Variants in LONRF3 observed in about 807,000 individuals in gnomAD.
The protein encoded by LONRF3 is LON peptidase N-terminal domain and RING finger protein 3.
Under a neutral mutation model 51.7 loss-of-function variants are expected in LONRF3, and 19 were observed. The ratio of observed to expected loss-of-function variants is 0.37; its 90% CI spans 0.26 to 0.54. The LOEUF is 0.54. Ranked by LOEUF, LONRF3 falls within the 20% of genes least tolerant of loss-of-function variation. The pLI, the probability that LONRF3 is intolerant of heterozygous loss-of-function variation, is 0.86. For synonymous variants in LONRF3, 265 were observed against 257.8 expected (o/e 1.03, Z -0.27); for missense variants, 521 against 623.9 (o/e 0.84, Z 1.76).
At chrX:119,011,041 G>A (rs1925069631) in intron 7 of LONRF3, among the ~76,000 whole-genome samples, 1 of 108,426 alleles carries the variant, frequency 9.2e-6, no homozygotes, top group African/African-American at 3.4e-5. Flanking sequence ...TTGAACCCGG[G>A]AGGCGGAGGT....
At chrX:118,990,692 C>T (rs973819450) in intron 5 of LONRF3, 132 bp downstream of exon 5, 5 of 490,347 alleles carry the variant, frequency 1.0e-5, no homozygotes, top group Non-Finnish European at 1.4e-5. Context: ...GAAATCACAA[C>T]GTTGATTGTC....
rs754025842 is a variant in LONRF3, at chrX:119,014,245, T to C, written c.2013T>C (p.His671=). The C allele has an allele frequency of 1.4e-4, 172 of 1,207,692 alleles. No individual in the cohort carries two copies. The highest frequency in any genetic ancestry group is 1.9e-4 in the Non-Finnish European group (170 of 893,273). ...GEDCAELMGL[H]NCVYQQASLW... is the part of the protein sequence containing the mutation. ...ATTGTGCTGAGCTCATGGGATTACA[T>C]AACTGTGTCTATCAGCAAGCATCAT... The change falls in exon 10 of 11, where the codon CAT becomes CAC. Residue 671 remains histidine (H), a synonymous_variant. Transcript: ENST00000371628.
At chrX:119,015,981 A>G (rs908730728) in intron 10 of LONRF3, among the ~76,000 whole-genome samples, 1 of 112,307 alleles carries the variant, frequency 8.9e-6, no homozygotes, top group Non-Finnish European at 1.9e-5. Flanking sequence ...TCAGTCTAAT[A>G]TTCAGAACTG....
At chrX:118,989,733 A>G (rs963590201) in intron 4 of LONRF3, 61 bp downstream of exon 4, 10 of 1,111,306 alleles carry the variant, frequency 9.0e-6, no homozygotes, top group Admixed American at 5.3e-5. Context: ...ACCAATATAT[A>G]CAAGTTACTT....
At chrX:118,998,021 G>A (rs1206866384) in intron 5 of LONRF3, among the ~76,000 whole-genome samples, 1 of 112,395 alleles carries the variant, frequency 8.9e-6, no homozygotes, top group East Asian at 2.8e-4. Flanking sequence ...TACACTGCTG[G>A]TGGGAATGTA....
In LONRF3 at chrX:118,982,889, C is replaced by A; in HGVS notation, c.1005C>A (p.Leu335=). The change falls in exon 3 of 11, where the codon CTC becomes CTA. Residue 335 remains leucine, a synonymous_variant. Transcript: ENST00000371628. ...GKVEEALREF[L]YCVSLDGKNK... ...TGGAGGAGGCACTAAGGGAGTTTCT[C>A]TACTGTGTATCCCTTGATGGAAAGA... is the stretch of plus-strand genomic sequence containing the variant. 8.3e-7 allele frequency: 1 copy of A among 1,210,824 alleles called. No homozygotes were observed. The highest frequency in any genetic ancestry group is 1.8e-5 in the South Asian group (1 of 56,938).
chrX:118,999,596 A>G (rs191617773), intron 5 of LONRF3, among the ~76,000 whole-genome samples: 4 of 112,092 alleles, frequency 3.6e-5, no homozygotes, highest in Non-Finnish European at 7.5e-5. Flanking sequence ...TCTGAAAACT[A>G]AGAATCCTGA....
At chrX:119,001,981 A>G (rs905718809) in intron 5 of LONRF3, among the ~76,000 whole-genome samples, 1 of 112,629 alleles carries the variant, frequency 8.9e-6, no homozygotes, top group African/African-American at 3.2e-5. Context: ...AATATAAGGC[A>G]TTCAGATTCA....
At chrX:118,985,973 G>A (rs1253597866) in intron 3 of LONRF3, among the ~76,000 whole-genome samples, 1 of 110,187 alleles carries the variant, frequency 9.1e-6, no homozygotes, top group East Asian at 2.8e-4. Context: ...TGCAGGAGCT[G>A]CTGGGTGGTA....
chrX:118,991,854 A>G (rs1923450587), intron 5 of LONRF3, among the ~76,000 whole-genome samples: 1 of 84,777 alleles, frequency 1.2e-5, no homozygotes, highest in South Asian at 5.8e-4. Context: ...ATACTCAGTA[A>G]ATGTTAACTA....
At chrX:118,986,918 G>T (rs1178793316) in intron 3 of LONRF3, 6 of 1,150,412 alleles carry the variant, frequency 5.2e-6, no homozygotes, top group Non-Finnish European at 5.7e-6. Context: ...TCTGTTTTAT[G>T]TCACAGCTTC....
chrX:118,983,135 C>T (rs971230631), intron 3 of LONRF3, among the ~76,000 whole-genome samples, 192 bp downstream of exon 3: 2 of 111,347 alleles, frequency 1.8e-5, no homozygotes, highest in East Asian at 2.8e-4. Context: ...CTGGTGTGTA[C>T]GATCAGTTTG....
intron 5 of LONRF3, among the ~76,000 whole-genome samples, chrX:118,998,840 A>T (rs1924060900): frequency 9.0e-6 from 1 of 111,347 alleles, no homozygotes; most frequent in South Asian, 3.8e-4. Context: ...TTGTATTTTT[A>T]GTAGAGATGA....
chrX:118,981,045 T>G (rs1012916321), intron 2 of LONRF3, among the ~76,000 whole-genome samples: 4 of 111,533 alleles, frequency 3.6e-5, no homozygotes, highest in Non-Finnish European at 7.5e-5. Context: ...TTTCCCAACA[T>G]TTCTATGTAA....
intron 5 of LONRF3, among the ~76,000 whole-genome samples, chrX:119,000,938 A>C (rs1220938172): frequency 9.2e-6 from 1 of 108,386 alleles, no homozygotes; most frequent in East Asian, 2.9e-4. Flanking sequence ...CTCTCATTTG[A>C]TAGCAAAAGA....
chrX:118,987,178 G>A, intron 3 of LONRF3: 1 of 683,301 alleles, frequency 1.5e-6, no homozygotes, highest in Non-Finnish European at 2.1e-6. Flanking sequence ...TTTGGTTCCT[G>A]AGAAAGAAGA....
chrX:119,010,048 G>A lies in LONRF3; in HGVS notation c.1652+801G>A, dbSNP rs111846295. On this transcript the variant is annotated intron_variant, in intron 7 of 10. Transcript: ENST00000371628. ...GGCCTCCCAAGGTGCTGGGATTACA[G>A]GCGTGAGCCACCATGCCTGGCCACC... Among the ~76,000 whole-genome samples, 327 of 111,608 alleles carry A rather than the reference G, an allele frequency of 2.9e-3. 2 individuals carry two copies. The highest frequency in any genetic ancestry group is 0.01 in the African/African-American group (308 of 30,712).
chrX:119,004,456 A>G (rs1377785585), intron 5 of LONRF3, among the ~76,000 whole-genome samples: 1 of 112,576 alleles, frequency 8.9e-6, no homozygotes, highest in East Asian at 2.8e-4. Context: ...ATATTTGAAG[A>G]CCAATACAGT....
intron 5 of LONRF3, among the ~76,000 whole-genome samples, 171 bp from the exon 6 acceptor site, chrX:119,005,950 C>G: frequency 8.9e-6 from 1 of 111,741 alleles, no homozygotes; most frequent in Middle Eastern, 4.6e-3. Context: ...TAATCCAGCT[C>G]AAAAATGAAA....
Sources: gnomAD v4.1 joint callset for allele counts (sites outside exome capture counted in the v4.1 genomes callset) on GRCh38, gnomAD v4.1.1 for gene constraint, MANE v1.5 for transcripts, NCBI Gene and HGNC (gene_info 2026-07-23, HGNC 2026-07-21) for gene names.